Variants in LDLRAD3 observed in about 807,000 individuals in gnomAD.
The protein encoded by LDLRAD3 is low density lipoprotein receptor class A domain containing 3.
Under a neutral mutation model 29.4 loss-of-function variants are expected in LDLRAD3, and 20 were observed. The ratio of observed to expected loss-of-function variants is 0.68; its 90% CI spans 0.48 to 0.99. The LOEUF (loss-of-function observed/expected upper bound fraction) is 0.99. LDLRAD3 is among the 50% of genes least tolerant of loss of function. The pLI is 0.00. For synonymous variants in LDLRAD3, 157 were observed against 192.7 expected, an observed-to-expected ratio of 0.81 and a Z score of 1.53; for missense variants, 420 against 454.3, an observed-to-expected ratio of 0.92 and a Z score of 0.69.
At chr11:36,122,915 TAATA>T (rs61383731) in intron 4 of LDLRAD3, among the ~76,000 whole-genome samples, 3,953 of 152,240 alleles carry the variant, frequency 0.026, 178 homozygotes, top group African/African-American at 0.088. Context: ...CTCATGCCTG[TAATA>T]AATACCAGCA....
chr11:36,222,522 C>T (rs1855443850), intron 4 of LDLRAD3, among the ~76,000 whole-genome samples: 1 of 152,178 alleles, frequency 6.6e-6, no homozygotes, highest in African/African-American at 2.4e-5. Context: ...TGCCTGAGAC[C>T]TGGCCAGCAG....
chr11:35,960,261 T>C (rs1851259328), intron 1 of LDLRAD3, among the ~76,000 whole-genome samples: 1 of 152,222 alleles, frequency 6.6e-6, no homozygotes, highest in Admixed American at 6.5e-5. Context: ...GAATATCCTA[T>C]TATATGAATA....
In LDLRAD3 at chr11:36,012,827, A is replaced by G. The variant is rs55858204; in HGVS notation, c.47-23276A>G. ...ACGAAACTGCAGAAAAGGGAGGACT[A>G]TTGTATTTCAAGATGTGAACTTCTG... On this transcript the variant is annotated intron_variant, in intron 1 of 5. Transcript: ENST00000315571. Among the ~76,000 whole-genome samples, 787 of 152,368 alleles carry G rather than the reference A, an allele frequency of 5.2e-3. 11 individuals carry two copies. Among genetic ancestry groups the G allele is most frequent in the African/African-American group, 0.018 (743 of 41,586 alleles).
At chr11:36,200,878 T>C (rs1346628143) in intron 4 of LDLRAD3, among the ~76,000 whole-genome samples, 1 of 152,198 alleles carries the variant, frequency 6.6e-6, no homozygotes, top group Non-Finnish European at 1.5e-5. Context: ...TGCTGAAAGC[T>C]CAGTGCAGGA....
At chr11:36,131,972 C>T (rs1853932316) in intron 4 of LDLRAD3, among the ~76,000 whole-genome samples, 1 of 152,090 alleles carries the variant, frequency 6.6e-6, no homozygotes, top group Non-Finnish European at 1.5e-5. Context: ...GTTGGATTTC[C>T]CCTGCTTGGG....
intron 4 of LDLRAD3, among the ~76,000 whole-genome samples, chr11:36,142,949 A>G (rs1222210405): frequency 2.0e-5 from 3 of 152,168 alleles, no homozygotes; most frequent in Admixed American, 6.5e-5. Flanking sequence ...AACCACCCCA[A>G]TGGGATTTAG....
chr11:36,067,761 C>G (rs1852819610), intron 2 of LDLRAD3, among the ~76,000 whole-genome samples: 1 of 152,194 alleles, frequency 6.6e-6, no homozygotes, highest in Non-Finnish European at 1.5e-5. Flanking sequence ...GCCTCTGCCT[C>G]CTGGGCTGAA....
chr11:36,190,392 C>T (rs1327162512), intron 4 of LDLRAD3, among the ~76,000 whole-genome samples: 1 of 152,006 alleles, frequency 6.6e-6, no homozygotes, highest in Non-Finnish European at 1.5e-5. Flanking sequence ...CCTAGCTACT[C>T]AGTTGGCTGA....
At chr11:36,121,082 T>G (rs1436433627) in intron 4 of LDLRAD3, among the ~76,000 whole-genome samples, 2 of 152,174 alleles carry the variant, frequency 1.3e-5, no homozygotes, top group Non-Finnish European at 1.5e-5. Flanking sequence ...GCCTCTCTAG[T>G]TCACTATTCT....
Position 35,945,377 on chromosome 11 carries a change from C to G in LDLRAD3, c.46+1233C>G, listed in dbSNP as rs2984703. Among the ~76,000 whole-genome samples the G allele has an allele frequency of 2.2e-3, 335 of 152,346 alleles. 2 individuals are homozygous for G. The highest frequency in any genetic ancestry group is 7.6e-3 in the African/African-American group (317 of 41,582). ...AGCCCACTGGGCAGCCTTTCCTGCTCTCAGACCCATGACATCATCTCCACT... is the reference window on the plus strand; with the variant it reads ...AGCCCACTGGGCAGCCTTTCCTGCTGTCAGACCCATGACATCATCTCCACT... On this transcript the variant is annotated intron_variant, in intron 1 of 5. Transcript: ENST00000315571.
chr11:36,109,413 G>A (rs889287660), intron 4 of LDLRAD3, among the ~76,000 whole-genome samples: 1 of 152,160 alleles, frequency 6.6e-6, no homozygotes, highest in African/African-American at 2.4e-5. Flanking sequence ...AGTATTTCAG[G>A]CTAGAATCGC....
chr11:36,087,964 C>T (rs1413446682), intron 3 of LDLRAD3, among the ~76,000 whole-genome samples: 1 of 151,862 alleles, frequency 6.6e-6, no homozygotes, highest in Non-Finnish European at 1.5e-5. Flanking sequence ...AGAAATCCAC[C>T]CTGCTTGGCC....
intron 2 of LDLRAD3, among the ~76,000 whole-genome samples, chr11:36,040,361 G>A (rs753869331): frequency 7.9e-5 from 12 of 151,818 alleles, no homozygotes; most frequent in Non-Finnish European, 1.6e-4. Flanking sequence ...GGGCAGAGAA[G>A]GAGGAAAAGC....
In LDLRAD3 at chr11:36,098,310, G is replaced by T. The variant is rs370552901; in HGVS notation, c.320-17G>T. The T allele has an allele frequency of 1.2e-6, 2 of 1,613,366 alleles. No homozygotes were observed. The highest frequency in any genetic ancestry group is 4.5e-5 in the East Asian group (2 of 44,894). ...TTGCTGGCCTCCCTGGTAATGTGCTGTGTTTTCCCTCTGCAGCAGCAAACC... is the reference window on the plus strand; with the variant it reads ...TTGCTGGCCTCCCTGGTAATGTGCTTTGTTTTCCCTCTGCAGCAGCAAACC... On this transcript the variant is annotated splice_polypyrimidine_tract_variant and intron_variant, in intron 3 of 5. Transcript: ENST00000315571.
chr11:35,981,226 G>A (rs1009077030), intron 1 of LDLRAD3, among the ~76,000 whole-genome samples: 5 of 151,888 alleles, frequency 3.3e-5, no homozygotes, highest in Non-Finnish European at 7.4e-5. Context: ...GGGGTGGGGG[G>A]GCTGAGTCAG....
At chr11:36,183,087 C>T (rs542266591) in intron 4 of LDLRAD3, among the ~76,000 whole-genome samples, 20 of 152,244 alleles carry the variant, frequency 1.3e-4, no homozygotes, top group African/African-American at 4.8e-4. Context: ...TTTTTGAGTA[C>T]TTACAGGGTC....
At chr11:35,972,343 G>A (rs1288810556) in intron 1 of LDLRAD3, 1 of 152,206 alleles carries the variant, frequency 6.6e-6, no homozygotes. Flanking sequence ...GGAGATGTTA[G>A]GGCGATTCAT....
intron 1 of LDLRAD3, among the ~76,000 whole-genome samples, chr11:35,964,282 C>A (rs1419962085): frequency 1.3e-5 from 2 of 152,148 alleles, no homozygotes; most frequent in Non-Finnish European, 2.9e-5. Context: ...CCCTCAAGAT[C>A]CCTATGAGGT....
At chr11:36,065,934 A>T (rs1852784719) in intron 2 of LDLRAD3, among the ~76,000 whole-genome samples, 1 of 152,216 alleles carries the variant, frequency 6.6e-6, no homozygotes. Flanking sequence ...CCGAAGGCAA[A>T]GAATATGCCA....
Sources: allele counts gnomAD v4.1 joint callset (sites outside exome capture counted in the v4.1 genomes callset), GRCh38; gene constraint gnomAD v4.1.1; transcripts MANE v1.5; gene names NCBI Gene and HGNC (gene_info 2026-07-23, HGNC 2026-07-21).